SLC6A6: variants seen among roughly 807,000 people sequenced by gnomAD.
SLC6A6 encodes the protein sodium- and chloride-dependent taurine transporter.
Under a neutral mutation model 68.8 loss-of-function variants are expected in SLC6A6, and 16 were observed. The observed-to-expected ratio is 0.23, with a 90% CI of 0.16 to 0.35. The LOEUF (loss-of-function observed/expected upper bound fraction) is 0.35, where lower values mean the gene tolerates loss of function less well. SLC6A6 is among the 10% of genes least tolerant of loss of function. The pLI, the probability that SLC6A6 is intolerant of heterozygous loss-of-function variation, is 1.00. For missense variants in SLC6A6, 474 were observed against 802.8 expected (o/e 0.59, Z 4.95); for synonymous variants, 312 against 315.4 (o/e 0.99, Z 0.12).
At chr3:14,432,518 G>A (rs1001148304) in intron 2 of SLC6A6, among the ~76,000 whole-genome samples, 1 of 152,202 alleles carries the variant, frequency 6.6e-6, no homozygotes, top group Admixed American at 6.5e-5. Flanking sequence ...GGGCCATGGG[G>A]GAAGGAGATG....
chr3:14,438,626 G>A (rs896621764), intron 2 of SLC6A6, among the ~76,000 whole-genome samples: 5 of 152,136 alleles, frequency 3.3e-5, no homozygotes, highest in Admixed American at 6.5e-5. Context: ...TGCCCAACCC[G>A]CTGATCAGTT....
chr3:14,443,926 T>G (rs758762653), intron 3 of SLC6A6, 63 bp downstream of exon 3: 2 of 1,214,578 alleles, frequency 1.6e-6, no homozygotes, highest in South Asian at 2.4e-5. Context: ...AGCTGGAGGC[T>G]GGGACCAGAG....
chr3:14,434,007 G>A (rs894874395), intron 2 of SLC6A6, among the ~76,000 whole-genome samples: 11 of 152,078 alleles, frequency 7.2e-5, no homozygotes, highest in Non-Finnish European at 1.5e-4. Context: ...TGGGGGCCCC[G>A]TCCCCTCTTC....
chr3:14,419,122 G>A (rs1165264484), intron 2 of SLC6A6, among the ~76,000 whole-genome samples: 1 of 152,226 alleles, frequency 6.6e-6, no homozygotes, highest in Non-Finnish European at 1.5e-5. Context: ...TCTTTTTGAG[G>A]CTTGCTGATG....
At chr3:14,417,680 C>T (rs544452028) in intron 2 of SLC6A6, among the ~76,000 whole-genome samples, 1 of 150,634 alleles carries the variant, frequency 6.6e-6, no homozygotes, top group East Asian at 2.0e-4. Context: ...TGCAGCGAGC[C>T]GCGATCGTGC....
Position 14,488,624 on chromosome 3 carries a change from G to A in SLC6A6, c.*3617G>A, listed in dbSNP as rs777145652. ...GACCCATGTGGTCCCAGGCCAGGCT[G>A]CCTGGGACACGGTAAATACCACTGT... is the stretch of plus-strand genomic sequence containing the variant. On this transcript the variant is annotated 3_prime_UTR_variant, in exon 15 of 15. Coordinates refer to ENST00000622186, the MANE Select transcript of SLC6A6 (RefSeq NM_003043.6). The A allele has an allele frequency of 6.6e-6, 1 of 152,216 alleles. No individual in the cohort carries two copies. Among genetic ancestry groups the A allele is most frequent in the Non-Finnish European group, 1.5e-5 (1 of 68,060 alleles). 9.4% of individuals were successfully genotyped at this position (152,216 alleles called of 1,614,324 possible).
intron 14 of SLC6A6, among the ~76,000 whole-genome samples, chr3:14,482,730 C>T (rs1701036498): frequency 6.6e-6 from 1 of 152,046 alleles, no homozygotes; most frequent in Non-Finnish European, 1.5e-5. Flanking sequence ...GGAGGAAATC[C>T]TTGAAACTGG....
intron 2 of SLC6A6, among the ~76,000 whole-genome samples, chr3:14,436,925 C>T (rs1278751775): frequency 3.3e-5 from 5 of 152,196 alleles, no homozygotes; most frequent in African/African-American, 9.6e-5. Context: ...GTTTGTCAGC[C>T]GGCTTGCAGC....
rs575218988 is a variant in SLC6A6, at chr3:14,450,292, C to T, written c.599+2476C>T. On this transcript the variant is annotated intron_variant, in intron 5 of 14. Transcript: ENST00000622186. The surrounding 1 kb of genome is among the most constrained non-coding windows in gnomAD (Gnocchi z 4.1). ...ACACCTTCCAGAGGGACCGGGCCCT[C>T]GGGGGTATTCTGGGACCCTTGCCTT... is the stretch of plus-strand genomic sequence containing the variant. Among the ~76,000 whole-genome samples, 25 of 152,208 alleles carry T rather than the reference C, an allele frequency of 1.6e-4. No homozygotes were observed. Among genetic ancestry groups the T allele is most frequent in the African/African-American group, 5.1e-4 (21 of 41,532 alleles).
intron 5 of SLC6A6, among the ~76,000 whole-genome samples, chr3:14,456,252 G>A (rs544278835): frequency 7.9e-5 from 12 of 152,366 alleles, no homozygotes; most frequent in African/African-American, 2.9e-4. Context: ...GACATCCCTG[G>A]TGCCAGGGGG....
At chr3:14,432,792 G>T (rs1193456565) in intron 2 of SLC6A6, 1 of 152,306 alleles carries the variant, frequency 6.6e-6, no homozygotes, top group Non-Finnish European at 1.5e-5. Flanking sequence ...CCCAAGGTAG[G>T]CATTTTGGTG....
chr3:14,466,254 C>T (rs961081873), intron 6 of SLC6A6, among the ~76,000 whole-genome samples: 8 of 142,196 alleles, frequency 5.6e-5, no homozygotes, highest in East Asian at 2.1e-4. Flanking sequence ...AGCGAGGCTC[C>T]GTCTCAAATT....
chr3:14,456,194 C>G (rs1700363161), intron 5 of SLC6A6, among the ~76,000 whole-genome samples: 1 of 152,226 alleles, frequency 6.6e-6, no homozygotes, highest in African/African-American at 2.4e-5. Flanking sequence ...CCTTGGAAAG[C>G]AGGTGGTTGC....
intron 6 of SLC6A6, among the ~76,000 whole-genome samples, chr3:14,463,610 G>A (rs926696484): frequency 5.9e-5 from 9 of 152,264 alleles, no homozygotes; most frequent in African/African-American, 1.9e-4. Context: ...ACTGGTCGGG[G>A]CGCCTGGCCG....
chr3:14,481,850 T>C lies in SLC6A6; in HGVS notation c.1722+9T>C. 6.2e-7 allele frequency: 1 copy of C among 1,612,952 alleles called. No homozygotes were observed. The highest frequency in any genetic ancestry group is 8.5e-7 in the Non-Finnish European group (1 of 1,179,224). On this transcript the variant is annotated intron_variant, in intron 14 of 14. Coordinates refer to ENST00000622186, the MANE Select transcript of SLC6A6 (RefSeq NM_003043.6). This position sits in a 1 kb window ranked among gnomAD's most constrained non-coding sequence, Gnocchi z 4.7. ...AGGGGCCGTTCCTTGTGGTAAGTGC[T>C]TGGGCCCAGGGCCAGGGGAGGTGGG...
chr3:14,474,001 C>T (rs1005181368), intron 10 of SLC6A6, among the ~76,000 whole-genome samples: 22 of 152,286 alleles, frequency 1.4e-4, no homozygotes, highest in African/African-American at 5.3e-4. Context: ...AGGGAGGCCC[C>T]GTGTCAGTGG....
intron 2 of SLC6A6, among the ~76,000 whole-genome samples, chr3:14,428,930 C>G (rs540449360): frequency 3.3e-5 from 5 of 152,332 alleles, no homozygotes; most frequent in Admixed American, 1.3e-4. Context: ...AGGCAATGTG[C>G]CTTGCAGCTC....
intron 2 of SLC6A6, among the ~76,000 whole-genome samples, chr3:14,424,117 T>A (rs923483771): frequency 6.6e-6 from 1 of 152,166 alleles, no homozygotes; most frequent in Non-Finnish European, 1.5e-5. Flanking sequence ...GCAAGAGTGT[T>A]TGACGTTAGG....
chr3:14,456,653 G>A (rs1700374122), intron 5 of SLC6A6, among the ~76,000 whole-genome samples: 1 of 152,218 alleles, frequency 6.6e-6, no homozygotes, highest in Admixed American at 6.5e-5. Flanking sequence ...CCACGGACTG[G>A]CTGAAAGCTT....
Sources: gnomAD v4.1 joint callset for allele counts (sites outside exome capture counted in the v4.1 genomes callset) on GRCh38, gnomAD v4.1.1 for gene constraint, Gnocchi (gnomAD v3.1) non-coding constraint, MANE v1.5 for transcripts, NCBI Gene and HGNC (gene_info 2026-07-23, HGNC 2026-07-21) for gene names.